Variants in RSRC1 observed in about 807,000 individuals in gnomAD.
The protein encoded by RSRC1 is arginine and serine rich coiled-coil 1.
In RSRC1, 39 loss-of-function variants were observed where a neutral mutation model predicts 49.1. The observed-to-expected ratio is 0.79, with a 90% CI of 0.61 to 1.04. The LOEUF is 1.04. RSRC1 is among the 50% of genes least tolerant of loss of function. RSRC1 has a pLI of 0.00. For missense variants in RSRC1, 388 were observed against 402.4 expected (o/e 0.96, Z 0.31); for synonymous variants, 143 against 130.8 (o/e 1.09, Z -0.63).
chr3:158,481,470 A>G (rs1197836655), intron 7 of RSRC1, among the ~76,000 whole-genome samples: 1 of 152,126 alleles, frequency 6.6e-6, no homozygotes, highest in African/African-American at 2.4e-5. Context: ...AACAGAAACT[A>G]TATCACATAA....
At chr3:158,354,589 TA>T (rs1261226563) in intron 5 of RSRC1, among the ~76,000 whole-genome samples, 21 of 152,236 alleles carry the variant, frequency 1.4e-4, no homozygotes, top group Non-Finnish European at 5.9e-5. Flanking sequence ...CTTGCCTTGT[TA>T]TTAAATTTCA....
At chr3:158,190,450 T>A (rs1160486244) in intron 3 of RSRC1, among the ~76,000 whole-genome samples, 1 of 151,810 alleles carries the variant, frequency 6.6e-6, no homozygotes, top group Non-Finnish European at 1.5e-5. Flanking sequence ...ATCATTAACA[T>A]CTATGTCTCT....
chr3:158,519,622 G>T (rs182298339), intron 7 of RSRC1, among the ~76,000 whole-genome samples: 1 of 152,232 alleles, frequency 6.6e-6, no homozygotes, highest in Non-Finnish European at 1.5e-5. Flanking sequence ...TTTAGCAGGA[G>T]CCAGATTATA....
chr3:158,212,963 A>C (rs1008282897), intron 4 of RSRC1, among the ~76,000 whole-genome samples: 6 of 151,958 alleles, frequency 3.9e-5, no homozygotes, highest in Non-Finnish European at 7.4e-5. Context: ...CTTTCTCCCC[A>C]GTCTAGTGAT....
chr3:158,356,100 G>C (rs1266343257), intron 6 of RSRC1, among the ~76,000 whole-genome samples: 5 of 151,348 alleles, frequency 3.3e-5, no homozygotes, highest in African/African-American at 9.7e-5. Context: ...CCTATTTTTG[G>C]ACCACAGTTG....
intron 4 of RSRC1, among the ~76,000 whole-genome samples, chr3:158,207,783 CAA>C (rs1010569424): frequency 2.0e-4 from 30 of 151,698 alleles, no homozygotes; most frequent in African/African-American, 7.0e-4. Context: ...TTGGGAAAAA[CAA>C]AACAGGAAAG....
chr3:158,334,516 G>C (rs1042607546), intron 5 of RSRC1, among the ~76,000 whole-genome samples: 43 of 148,732 alleles, frequency 2.9e-4, no homozygotes, highest in African/African-American at 9.5e-4. Flanking sequence ...TGGAGTCACT[G>C]TGTCGCCAGG....
intron 4 of RSRC1, among the ~76,000 whole-genome samples, chr3:158,209,887 A>G (rs942807231): frequency 1.3e-5 from 2 of 152,170 alleles, no homozygotes; most frequent in African/African-American, 4.8e-5. Flanking sequence ...TAGTAATCAT[A>G]CTTTATAGAT....
intron 4 of RSRC1, among the ~76,000 whole-genome samples, chr3:158,204,192 G>T (rs1011501103): frequency 6.6e-6 from 1 of 152,088 alleles, no homozygotes; most frequent in Non-Finnish European, 1.5e-5. Flanking sequence ...TTTATTAAAA[G>T]ATACAGAACT....
At chr3:158,199,277 C>T (rs1003125625) in intron 3 of RSRC1, among the ~76,000 whole-genome samples, 5 of 152,056 alleles carry the variant, frequency 3.3e-5, no homozygotes, top group Admixed American at 1.3e-4. Context: ...TTGTAAATTT[C>T]CCAGTCTCAG....
intron 6 of RSRC1, among the ~76,000 whole-genome samples, chr3:158,374,675 C>G (rs1260716771): frequency 6.6e-6 from 1 of 152,126 alleles, no homozygotes; most frequent in Admixed American, 6.5e-5. Flanking sequence ...ATTTAAGAAC[C>G]TTATACATGT....
intron 4 of RSRC1, among the ~76,000 whole-genome samples, chr3:158,268,942 A>G (rs1177848810): frequency 3.3e-5 from 5 of 152,152 alleles, no homozygotes; most frequent in Non-Finnish European, 7.4e-5. Flanking sequence ...TATTTGAGGT[A>G]TTTACCTTTC....
At chr3:158,378,125 A>G (rs1347700911) in intron 6 of RSRC1, among the ~76,000 whole-genome samples, 1 of 151,796 alleles carries the variant, frequency 6.6e-6, no homozygotes, top group Admixed American at 6.6e-5. Flanking sequence ...TGAAGTTTAA[A>G]ATTTCTAACA....
At chr3:158,342,844 G>A (rs1295069518) in intron 5 of RSRC1, among the ~76,000 whole-genome samples, 1 of 152,048 alleles carries the variant, frequency 6.6e-6, no homozygotes, top group African/African-American at 2.4e-5. Context: ...TGAGAGATGG[G>A]GAAAAAAATG....
intron 6 of RSRC1, among the ~76,000 whole-genome samples, chr3:158,455,584 C>T (rs920579901): frequency 6.6e-6 from 1 of 152,100 alleles, no homozygotes; most frequent in South Asian, 2.1e-4. Context: ...GAATCATGCC[C>T]TGATTAGCCC....
intron 7 of RSRC1, among the ~76,000 whole-genome samples, chr3:158,472,961 G>A (rs12107140): frequency 0.015 from 2,342 of 152,290 alleles, 78 homozygotes; most frequent in African/African-American, 0.053. Context: ...AAACCACAAT[G>A]AGATATCATC....
chr3:158,150,108 A>G (rs1717431878), intron 3 of RSRC1, among the ~76,000 whole-genome samples: 1 of 152,196 alleles, frequency 6.6e-6, no homozygotes, highest in South Asian at 2.1e-4. Flanking sequence ...CATTCATTGT[A>G]GAAAAAGCAG....
chr3:158,351,689 G>A (rs1277438716), intron 5 of RSRC1, among the ~76,000 whole-genome samples: 2 of 151,738 alleles, frequency 1.3e-5, no homozygotes, highest in Non-Finnish European at 2.9e-5. Context: ...GATTTAGTTA[G>A]AATGATCCTG....
At chr3:158,530,981 A>G (rs1203288572) in intron 7 of RSRC1, among the ~76,000 whole-genome samples, 3 of 149,886 alleles carry the variant, frequency 2.0e-5, no homozygotes, top group Non-Finnish European at 3.0e-5. Context: ...TTTTTAAGTT[A>G]CAAAAACTTT....
Sources: gnomAD v4.1 joint callset for allele counts (sites outside exome capture counted in the v4.1 genomes callset) on GRCh38, gnomAD v4.1.1 for gene constraint, MANE v1.5 for transcripts, NCBI Gene and HGNC (gene_info 2026-07-23, HGNC 2026-07-21) for gene names.